RARB: variants seen among roughly 807,000 people sequenced by gnomAD.
RARB encodes the protein HBV-activated protein.
A neutral mutation model predicts 51.9 loss-of-function variants in RARB; 17 were observed. The ratio of observed to expected loss-of-function variants is 0.33; its 90% CI spans 0.22 to 0.49. RARB has a LOEUF of 0.49. RARB is among the 20% of genes least tolerant of loss of function. The probability of loss-of-function intolerance (pLI) is 0.99; values close to 1 mark genes in which losing one functional copy is unlikely to be tolerated. For synonymous variants in RARB, 215 were observed against 195.4 expected (o/e 1.10, Z -0.84); for missense variants, 369 against 550.8 (o/e 0.67, Z 3.30).
intron 2 of RARB, among the ~76,000 whole-genome samples, chr3:24,900,776 C>T (rs969807350): frequency 7.9e-5 from 12 of 152,082 alleles, no homozygotes; most frequent in Non-Finnish European, 1.6e-4. Flanking sequence ...AGCACAGCAG[C>T]ACATTCGGTT....
intron 5 of RARB, among the ~76,000 whole-genome samples, chr3:25,317,553 A>AACAT (rs2125437403): frequency 6.6e-6 from 1 of 152,270 alleles, no homozygotes; most frequent in Admixed American, 6.5e-5. Context: ...GAGTGTCAAT[A>AACAT]ACATGGGTAG....
intron 3 of RARB, among the ~76,000 whole-genome samples, chr3:25,520,847 A>G (rs2125631797): frequency 6.6e-6 from 1 of 152,356 alleles, no homozygotes; most frequent in Middle Eastern, 3.4e-3. Context: ...CCAAAAAGGT[A>G]TGTAAAGCAA....
intron 5 of RARB, among the ~76,000 whole-genome samples, chr3:25,348,191 G>A (rs1705452722): frequency 6.6e-6 from 1 of 152,084 alleles, no homozygotes; most frequent in Non-Finnish European, 1.5e-5. Context: ...ACAAATTTAG[G>A]TAACCCCACT....
At chr3:24,872,972 G>C (rs937350606) in intron 2 of RARB, among the ~76,000 whole-genome samples, 1 of 152,070 alleles carries the variant, frequency 6.6e-6, no homozygotes, top group African/African-American at 2.4e-5. Context: ...TTTTCTAAAG[G>C]CCAAACAGAA....
At position 25,102,057 on chromosome 3, in the gene RARB, A is replaced by G. The variant is rs147131307; in HGVS notation, c.-327-30104A>G. 1.9e-3 allele frequency among the ~76,000 whole-genome samples: 288 copies of G among 152,306 alleles called. 1 individual carries two copies. Among genetic ancestry groups the G allele is most frequent in the Middle Eastern group, 6.8e-3 (2 of 294 alleles). Reference sequence around the variant, plus strand: ...TGGATCCAGATTTATGAACAAATTTAAAATTTTTCAGATTTTGAAAGATAT... The same window carrying G: ...TGGATCCAGATTTATGAACAAATTTGAAATTTTTCAGATTTTGAAAGATAT... On this transcript the variant is annotated intron_variant, in intron 3 of 11. Transcript: ENST00000383772.
chr3:24,889,622 G>C (rs1247082940), intron 2 of RARB, among the ~76,000 whole-genome samples: 2 of 150,558 alleles, frequency 1.3e-5, no homozygotes, highest in Admixed American at 1.3e-4. Flanking sequence ...TTATTTGAGT[G>C]GTATGTCTTT....
At chr3:25,166,883 A>G (rs1288888030) in intron 4 of RARB, among the ~76,000 whole-genome samples, 5 of 152,168 alleles carry the variant, frequency 3.3e-5, no homozygotes, top group Non-Finnish European at 5.9e-5. Context: ...TATCCACTAC[A>G]TTTGCAGATG....
At chr3:24,858,783 C>G (rs1255789578) in intron 2 of RARB, 1 of 151,954 alleles carries the variant, frequency 6.6e-6, no homozygotes, top group Non-Finnish European at 1.5e-5. Flanking sequence ...TTTAAGTTCT[C>G]TAATACTTTT....
chr3:24,925,109 G>T (rs1420481100), intron 2 of RARB, among the ~76,000 whole-genome samples: 1 of 151,990 alleles, frequency 6.6e-6, no homozygotes, highest in Non-Finnish European at 1.5e-5. Flanking sequence ...CCTCTCATAT[G>T]CATTAACCAG....
At chr3:25,306,582 G>A (rs1307513086) in intron 5 of RARB, among the ~76,000 whole-genome samples, 1 of 151,712 alleles carries the variant, frequency 6.6e-6, no homozygotes, top group African/African-American at 2.4e-5. Context: ...AAATTGCATT[G>A]GAATGCTGCA....
chr3:24,853,779 C>T (rs1466017524), intron 1 of RARB, among the ~76,000 whole-genome samples: 1 of 152,160 alleles, frequency 6.6e-6, no homozygotes, highest in African/African-American at 2.4e-5. Context: ...AGATCAACTG[C>T]TTCATTGTTG....
intron 5 of RARB, among the ~76,000 whole-genome samples, chr3:25,194,481 A>G (rs895294689): frequency 2.7e-5 from 4 of 149,534 alleles, no homozygotes; most frequent in Admixed American, 6.7e-5. Flanking sequence ...AGTAGTGTGT[A>G]TATATATATA....
chr3:25,003,200 A>AAG (rs925229465), intron 2 of RARB, among the ~76,000 whole-genome samples: 2 of 151,910 alleles, frequency 1.3e-5, no homozygotes, highest in African/African-American at 4.8e-5. Flanking sequence ...AATGCAAAAA[A>AAG]AAAAAAAAAC....
intron 2 of RARB, among the ~76,000 whole-genome samples, chr3:25,487,079 G>A (rs764755319): frequency 6.6e-6 from 1 of 152,090 alleles, no homozygotes; most frequent in Non-Finnish European, 1.5e-5. Context: ...CTCTCCTTTT[G>A]TGCTGGGATG....
chr3:25,363,141 C>G (rs1706005174), intron 5 of RARB, among the ~76,000 whole-genome samples: 1 of 152,034 alleles, frequency 6.6e-6, no homozygotes, highest in East Asian at 1.9e-4. Flanking sequence ...ACATTATTGT[C>G]CAGGAAAGTT....
chr3:25,346,573 C>T (rs1705401134), intron 5 of RARB, among the ~76,000 whole-genome samples: 3 of 152,182 alleles, frequency 2.0e-5, no homozygotes, highest in African/African-American at 7.2e-5. Context: ...GAAACTTCAT[C>T]CCATGGCTGA....
chr3:25,580,182 G>T (rs1189010563), intron 4 of RARB, among the ~76,000 whole-genome samples: 2 of 152,200 alleles, frequency 1.3e-5, no homozygotes, highest in Non-Finnish European at 2.9e-5. Flanking sequence ...AGACCATCCT[G>T]GCTAACACGG....
chr3:25,251,346 T>C (rs141068580), intron 5 of RARB, among the ~76,000 whole-genome samples: 5,049 of 152,218 alleles, frequency 0.033, 126 homozygotes, highest in Middle Eastern at 0.048. Context: ...GTACAAGTTT[T>C]TTCATGGACA....
intron 3 of RARB, among the ~76,000 whole-genome samples, chr3:25,550,727 C>T (rs961548932): frequency 5.9e-5 from 9 of 152,256 alleles, no homozygotes; most frequent in South Asian, 2.1e-4. Flanking sequence ...CTATTTATCC[C>T]GATGTTCTCC....
Sources: allele counts gnomAD v4.1 joint callset (sites outside exome capture counted in the v4.1 genomes callset), GRCh38; gene constraint gnomAD v4.1.1; transcripts MANE v1.5; gene names NCBI Gene and HGNC (gene_info 2026-07-23, HGNC 2026-07-21).